Variants in BMPER observed in about 807,000 individuals in gnomAD.
BMPER encodes the protein BMP-binding endothelial regulator protein.
In BMPER, 45 loss-of-function variants were observed where a neutral mutation model predicts 87.3. That is an observed-to-expected ratio of 0.52 (90% CI 0.41 to 0.66). The LOEUF (loss-of-function observed/expected upper bound fraction) is 0.66. BMPER is among the 30% of genes least tolerant of loss of function. The pLI, the probability that BMPER is intolerant of heterozygous loss-of-function variation, is 0.00. For missense variants in BMPER, 784 were observed against 867.5 expected (o/e 0.90, Z 1.21); for synonymous variants, 326 against 316.2 (o/e 1.03, Z -0.33).
intron 6 of BMPER, among the ~76,000 whole-genome samples, chr7:34,014,551 G>T (rs1168074856): frequency 1.3e-5 from 2 of 151,894 alleles, no homozygotes; most frequent in African/African-American, 4.8e-5. Context: ...CTGTAGGTCT[G>T]TTGAGTCTTC....
chr7:33,928,841 T>A (rs1784419737), intron 2 of BMPER, among the ~76,000 whole-genome samples: 1 of 152,086 alleles, frequency 6.6e-6, no homozygotes, highest in African/African-American at 2.4e-5. Context: ...GAGAACACTG[T>A]CATTTAGTGA....
At chr7:33,943,783 G>T (rs143739598) in intron 3 of BMPER, among the ~76,000 whole-genome samples, 1 of 152,154 alleles carries the variant, frequency 6.6e-6, no homozygotes, top group Non-Finnish European at 1.5e-5. Context: ...TCCATCTAAC[G>T]GATTCCCCCA....
chr7:33,918,229 CAAT>C (rs1784133688), intron 2 of BMPER, among the ~76,000 whole-genome samples: 1 of 152,204 alleles, frequency 6.6e-6, no homozygotes, highest in Non-Finnish European at 1.5e-5. Flanking sequence ...TGGACTGTAG[CAAT>C]AACATTAATG....
intron 13 of BMPER, among the ~76,000 whole-genome samples, chr7:34,129,640 G>GAAAGAAAGAAAGAA (rs1230052889): frequency 8.1e-5 from 12 of 148,654 alleles, no homozygotes; most frequent in African/African-American, 2.0e-4. Flanking sequence ...GAGAAAGAAA[G>GAAAGAAAGAAAGAA]AAAGAAAGAA....
At chr7:34,113,017 A>G (rs1436233767) in intron 13 of BMPER, among the ~76,000 whole-genome samples, 9 of 151,486 alleles carry the variant, frequency 5.9e-5, no homozygotes, top group African/African-American at 2.2e-4. Context: ...TTAAGAGACT[A>G]TATATATAAA....
chr7:33,907,453 G>A (rs192883757), intron 2 of BMPER, among the ~76,000 whole-genome samples: 1 of 152,242 alleles, frequency 6.6e-6, no homozygotes, highest in Non-Finnish European at 1.5e-5. Flanking sequence ...TGATTTGGAA[G>A]CATGAGTCGG....
At chr7:34,074,666 T>TG (rs1441371284) in intron 11 of BMPER, among the ~76,000 whole-genome samples, 1 of 152,198 alleles carries the variant, frequency 6.6e-6, no homozygotes, top group East Asian at 1.9e-4. Flanking sequence ...TTTCTGGAAA[T>TG]GCAGTGATCC....
chr7:34,002,370 A>G (rs1786604736), intron 6 of BMPER, among the ~76,000 whole-genome samples: 1 of 151,814 alleles, frequency 6.6e-6, no homozygotes, highest in African/African-American at 2.4e-5. Flanking sequence ...ATTTTGCCCA[A>G]CTGTAGGCTA....
chr7:34,074,935 CCCTT>C (rs1469058701), intron 11 of BMPER, among the ~76,000 whole-genome samples: 1 of 152,094 alleles, frequency 6.6e-6, no homozygotes, highest in East Asian at 1.9e-4. Context: ...TGCTTTTTCC[CCCTT>C]CCTTATGCTT....
At chr7:33,940,214 A>G (rs1304546397) in intron 3 of BMPER, among the ~76,000 whole-genome samples, 1 of 152,100 alleles carries the variant, frequency 6.6e-6, no homozygotes, top group East Asian at 1.9e-4. Flanking sequence ...TGCTACCCAT[A>G]TTGCATTATT....
intron 3 of BMPER, among the ~76,000 whole-genome samples, chr7:33,956,912 G>T (rs1432369805): frequency 2.0e-5 from 3 of 152,134 alleles, no homozygotes; most frequent in African/African-American, 7.2e-5. Context: ...CAAGAGGGTT[G>T]GTCAAGGGTC....
intron 3 of BMPER, among the ~76,000 whole-genome samples, chr7:33,959,664 G>A (rs1165533296): frequency 6.6e-6 from 1 of 152,168 alleles, no homozygotes; most frequent in Non-Finnish European, 1.5e-5. Flanking sequence ...CTCCCTTAAT[G>A]CATTGCATAT....
At chr7:33,949,162 A>G (rs367914210) in intron 3 of BMPER, among the ~76,000 whole-genome samples, 39 of 151,962 alleles carry the variant, frequency 2.6e-4, no homozygotes, top group African/African-American at 9.2e-4. Context: ...TTTTTTCCTC[A>G]CTAGTACTCA....
intron 6 of BMPER, among the ~76,000 whole-genome samples, chr7:34,031,987 A>ATGTGTGTGTGT (rs1787538072): frequency 8.4e-6 from 1 of 118,774 alleles, no homozygotes; most frequent in Non-Finnish European, 1.7e-5. Flanking sequence ...TCTTATATAT[A>ATGTGTGTGTGT]AATATATATG....
chr7:34,125,255 G>A (rs1790372026), intron 13 of BMPER, among the ~76,000 whole-genome samples: 1 of 151,860 alleles, frequency 6.6e-6, no homozygotes, highest in Admixed American at 6.6e-5. Flanking sequence ...GGCTTTCTAT[G>A]GGCTGTCCTC....
chr7:34,153,115 G>C lies in BMPER; in HGVS notation c.1900G>C (p.Val634Leu), dbSNP rs141288657. Reference sequence around the variant, plus strand: ...AGCCACCCAGTGTAAGCATGGTGCTGTGTACGATACCTGTGGTCCGGGATG... The same window carrying C: ...AGCCACCCAGTGTAAGCATGGTGCTCTGTACGATACCTGTGGTCCGGGATG... ...CAATQCKHGA[V>L]YDTCGPGCIK... Residue 634 changes from valine to leucine, a missense_variant, in exon 15 of 15, where the codon GTG becomes CTG. Coordinates refer to ENST00000649409, the MANE Select transcript of BMPER (RefSeq NM_001365308.1). 34 of 1,613,936 alleles carry C rather than the reference G, an allele frequency of 2.1e-5. No individual in the cohort carries two copies. The African/African-American group carries it at 4.3e-4, about 20-fold the overall frequency.
intron 6 of BMPER, among the ~76,000 whole-genome samples, chr7:34,001,157 T>C (rs1786570216): frequency 1.3e-5 from 2 of 151,958 alleles, no homozygotes; most frequent in Admixed American, 1.3e-4. Flanking sequence ...TCTTTGTTTT[T>C]TTTGTATCAG....
Position 34,051,951 on chromosome 7 carries a change from G to A in BMPER, c.767G>A (p.Cys256Tyr). 6.2e-7 allele frequency: 1 copy of A among 1,613,542 alleles called. No homozygotes were observed. The highest frequency in any genetic ancestry group is 8.5e-7 in the Non-Finnish European group (1 of 1,179,464). ...DNGSSFLYDN[C>Y]TACTCRDSTV... ...GGATCCTCATTTCTGTACGATAACT[G>A]CACAGCTTGTACCTGCAGGGTAAGG... The change falls in exon 8 of 15, where the codon TGC becomes TAC. Residue 256 changes from cysteine (C) to tyrosine (Y), a missense_variant. Cys to Tyr is a radical substitution (Grantham distance 194). Coordinates refer to ENST00000649409, the MANE Select transcript of BMPER (RefSeq NM_001365308.1).
intron 6 of BMPER, among the ~76,000 whole-genome samples, chr7:34,019,078 T>C (rs1787112452): frequency 6.6e-6 from 1 of 152,146 alleles, no homozygotes; most frequent in African/African-American, 2.4e-5. Flanking sequence ...TGACAACTTA[T>C]TTAATTACTC....
Sources: gnomAD v4.1 joint callset for allele counts (sites outside exome capture counted in the v4.1 genomes callset) on GRCh38, gnomAD v4.1.1 for gene constraint, MANE v1.5 for transcripts, NCBI Gene and HGNC (gene_info 2026-07-23, HGNC 2026-07-21) for gene names.